Variants in CABCOCO1 observed in about 807,000 individuals in gnomAD.
The protein encoded by CABCOCO1 is ciliary associated calcium binding coiled-coil 1, also known as ciliary-associated calcium-binding coiled-coil protein 1.
A neutral mutation model predicts 35.7 loss-of-function variants in CABCOCO1; 28 were observed. The observed-to-expected ratio is 0.78, with a 90% CI of 0.58 to 1.07. The LOEUF is 1.07. Among genes scored for constraint, CABCOCO1 ranks in the 50% least tolerant of loss-of-function variants. CABCOCO1 has a pLI of 0.00. For missense variants in CABCOCO1, 326 were observed against 309.2 expected (o/e 1.05, Z -0.41); for synonymous variants, 95 against 100.1 (o/e 0.95, Z 0.30).
chr10:61,690,244 C>T (rs773371027), intron 4 of CABCOCO1, among the ~76,000 whole-genome samples: 2 of 152,038 alleles, frequency 1.3e-5, no homozygotes, highest in African/African-American at 2.4e-5. Flanking sequence ...TGCTTTTAAG[C>T]TAGGAAAAGT....
At chr10:61,740,360 T>C (rs983640360) in intron 5 of CABCOCO1, among the ~76,000 whole-genome samples, 8 of 152,164 alleles carry the variant, frequency 5.3e-5, no homozygotes, top group African/African-American at 1.9e-4. Context: ...GTGGGCAGGC[T>C]CTGGACATGT....
intron 3 of CABCOCO1, among the ~76,000 whole-genome samples, chr10:61,681,959 T>C (rs867953939): frequency 6.6e-5 from 10 of 152,178 alleles, no homozygotes; most frequent in African/African-American, 2.4e-4. Context: ...ACAAGATTTC[T>C]TCGTACGTAT....
intron 1 of CABCOCO1, among the ~76,000 whole-genome samples, chr10:61,665,077 A>AGTC (rs1176191343): frequency 2.0e-5 from 3 of 152,250 alleles, no homozygotes; most frequent in Non-Finnish European, 4.4e-5. Context: ...TCTGTCAGAA[A>AGTC]TAAATCATAA....
At chr10:61,703,938 G>A (rs567781332) in intron 5 of CABCOCO1, among the ~76,000 whole-genome samples, 11 of 152,202 alleles carry the variant, frequency 7.2e-5, no homozygotes, top group Admixed American at 3.9e-4. Context: ...AAGGTCAGGC[G>A]CAGTGGCTCA....
chr10:61,674,757 A>G (rs1839459244), intron 2 of CABCOCO1, among the ~76,000 whole-genome samples: 1 of 152,188 alleles, frequency 6.6e-6, no homozygotes, highest in South Asian at 2.1e-4. Flanking sequence ...AAGTATCATT[A>G]AAACATATTT....
chr10:61,714,547 C>T (rs1428325260), intron 5 of CABCOCO1, among the ~76,000 whole-genome samples: 1 of 152,144 alleles, frequency 6.6e-6, no homozygotes, highest in Non-Finnish European at 1.5e-5. Flanking sequence ...TTCTTGCCTT[C>T]TGCTAGCTTT....
chr10:61,740,098 A>G (rs969377970), intron 5 of CABCOCO1, among the ~76,000 whole-genome samples: 8 of 152,252 alleles, frequency 5.3e-5, no homozygotes, highest in Non-Finnish European at 1.2e-4. Flanking sequence ...CCAATTTTTC[A>G]TAATAATAAT....
intron 5 of CABCOCO1, among the ~76,000 whole-genome samples, chr10:61,694,100 G>C: frequency 6.6e-6 from 1 of 151,656 alleles, no homozygotes; most frequent in African/African-American, 2.4e-5. Context: ...AAGGGACTTC[G>C]AGGATTTGAT....
At chr10:61,757,104 TA>T (rs71468946) in intron 5 of CABCOCO1, among the ~76,000 whole-genome samples, 2,911 of 146,806 alleles carry the variant, frequency 0.02, 54 homozygotes, top group East Asian at 0.056. Context: ...GAGGTTTTGT[TA>T]AAAAAAAAAA....
intron 2 of CABCOCO1, among the ~76,000 whole-genome samples, chr10:61,674,493 C>T (rs753968373): frequency 1.3e-5 from 2 of 152,044 alleles, no homozygotes; most frequent in African/African-American, 2.4e-5. Context: ...ACATGATTTT[C>T]GTAATGGTAA....
At chr10:61,718,267 T>G (rs1201947013) in intron 5 of CABCOCO1, among the ~76,000 whole-genome samples, 1 of 152,084 alleles carries the variant, frequency 6.6e-6, no homozygotes, top group Non-Finnish European at 1.5e-5. Flanking sequence ...TGTATTTGTG[T>G]CCATGAACAT....
At chr10:61,765,904 C>T (rs763990627) in intron 7 of CABCOCO1, 35 bp from the exon 8 acceptor site, 11 of 1,574,014 alleles carry the variant, frequency 7.0e-6, no homozygotes, top group Non-Finnish European at 9.6e-6. Flanking sequence ...AAGATAGCTC[C>T]ATCATAACCA....
intron 5 of CABCOCO1, among the ~76,000 whole-genome samples, chr10:61,750,093 A>G (rs550301175): frequency 3.3e-5 from 5 of 152,058 alleles, no homozygotes; most frequent in Non-Finnish European, 7.4e-5. Context: ...GGGGGACCAG[A>G]GGAGGCTCAC....
At chr10:61,737,771 G>T (rs1385410955) in intron 5 of CABCOCO1, among the ~76,000 whole-genome samples, 3 of 152,020 alleles carry the variant, frequency 2.0e-5, no homozygotes, top group Non-Finnish European at 4.4e-5. Context: ...TTATGAACAC[G>T]AAGGAGGAAA....
chr10:61,689,774 T>C (rs989303794), intron 4 of CABCOCO1, among the ~76,000 whole-genome samples: 1 of 152,294 alleles, frequency 6.6e-6, no homozygotes, highest in East Asian at 1.9e-4. Context: ...GGAAGAGAAC[T>C]AGAAAAATTC....
chr10:61,717,168 A>G (rs1840888237), intron 5 of CABCOCO1, among the ~76,000 whole-genome samples: 3 of 152,166 alleles, frequency 2.0e-5, no homozygotes, highest in African/African-American at 7.2e-5. Flanking sequence ...AAAAAAAATT[A>G]TCCTATAGAC....
intron 5 of CABCOCO1, among the ~76,000 whole-genome samples, chr10:61,758,315 C>T (rs896826923): frequency 1.3e-5 from 2 of 151,958 alleles, no homozygotes; most frequent in African/African-American, 2.4e-5. Context: ...TAGCTGTCTC[C>T]TTTTCCTAGC....
chr10:61,731,733 G>C (rs1447183244), intron 5 of CABCOCO1, among the ~76,000 whole-genome samples: 1 of 147,278 alleles, frequency 6.8e-6, no homozygotes, highest in Non-Finnish European at 1.5e-5. Context: ...AAATGGAAGG[G>C]AGGGAGGGAG....
intron 2 of CABCOCO1, among the ~76,000 whole-genome samples, chr10:61,680,631 GTTATACATATA>G (rs1839723117): frequency 5.8e-5 from 3 of 51,500 alleles, no homozygotes; most frequent in African/African-American, 2.0e-4. Context: ...ACATATACAT[GTTATACATATA>G]TAATATATAT....
Sources: gnomAD v4.1 joint callset for allele counts (sites outside exome capture counted in the v4.1 genomes callset) on GRCh38, gnomAD v4.1.1 for gene constraint, MANE v1.5 for transcripts, NCBI Gene and HGNC (gene_info 2026-07-23, HGNC 2026-07-21) for gene names.